Variants in MID1 observed in about 807,000 individuals in gnomAD.
MID1 encodes E3 ubiquitin-protein ligase Midline-1.
A neutral mutation model predicts 40.4 loss-of-function variants in MID1; 7 were observed. That is an observed-to-expected ratio of 0.17 (90% CI 0.10 to 0.33). MID1 has a LOEUF of 0.33. Among genes scored for constraint, MID1 ranks in the 10% least tolerant of loss-of-function variants. MID1 has a pLI of 1.00. For missense variants in MID1, 367 were observed against 558.5 expected (o/e 0.66, Z 3.46); for synonymous variants, 229 against 221.2 (o/e 1.04, Z -0.31).
rs185385977 is a variant in MID1 at position 10,761,570 on chromosome X, C to A, written c.-187+71984G>T. Among the ~76,000 whole-genome samples, 37 of 111,986 alleles carry A rather than the reference C, an allele frequency of 3.3e-4. No homozygotes were observed. The Admixed American group carries it at 3.3e-3, about 10-fold the overall frequency. On this transcript the variant is annotated intron_variant, in intron 1 of 10. Coordinates refer to the MID1 transcript ENST00000380785. ...GAAGTGACAGTGTACCTATCCTAAA[C>A]CAAGGCTTCAAGAGGTCTTATGTGT...
chrX:10,720,408 C>CA (rs1353442638), intron 1 of MID1, among the ~76,000 whole-genome samples: 17 of 112,032 alleles, frequency 1.5e-4, no homozygotes, highest in Non-Finnish European at 2.3e-4. Flanking sequence ...AGACACTTCT[C>CA]AAAGAAGACA....
At chrX:10,495,015 C>G (rs1233478916) in intron 4 of MID1, among the ~76,000 whole-genome samples, 1 of 110,518 alleles carries the variant, frequency 9.0e-6, no homozygotes, top group African/African-American at 3.3e-5. Flanking sequence ...TGCTGTAAAA[C>G]AATAGGAAAT....
At chrX:10,725,277 G>A (rs2043381911) in intron 1 of MID1, among the ~76,000 whole-genome samples, 1 of 111,499 alleles carries the variant, frequency 9.0e-6, no homozygotes, top group Non-Finnish European at 1.9e-5. Flanking sequence ...TGTACCGCTA[G>A]GTGAAGATTG....
At chrX:10,704,490 T>A (rs907318418) in intron 1 of MID1, among the ~76,000 whole-genome samples, 2 of 108,501 alleles carry the variant, frequency 1.8e-5, no homozygotes, top group African/African-American at 6.7e-5. Context: ...TCCCAGCCTT[T>A]ATGGGCCCCC....
rs145460297 is a variant in MID1, at chrX:10,549,200, G to A, written c.660+17688C>T. Among the ~76,000 whole-genome samples the A allele has an allele frequency of 6.0e-3, 679 of 112,649 alleles. 4 individuals are homozygous for A. The highest frequency in any genetic ancestry group is 0.021 in the African/African-American group (641 of 31,060). ...AGACACAGATAATGAAAATTTCTGCGCTCTAGACTATGAGTACCTATGCTA... is the reference window on the plus strand; with the variant it reads ...AGACACAGATAATGAAAATTTCTGCACTCTAGACTATGAGTACCTATGCTA... On this transcript the variant is annotated intron_variant, in intron 2 of 9. Coordinates refer to ENST00000317552, the MANE Select transcript of MID1 (RefSeq NM_000381.4).
chrX:10,755,142 T>C (rs976272805), intron 1 of MID1, among the ~76,000 whole-genome samples: 5 of 111,924 alleles, frequency 4.5e-5, no homozygotes, highest in South Asian at 7.5e-4. Context: ...TGTTTGTAGA[T>C]TGATGATTTA....
At chrX:10,723,583 G>A (rs1482391876) in intron 1 of MID1, among the ~76,000 whole-genome samples, 1 of 112,948 alleles carries the variant, frequency 8.9e-6, no homozygotes, top group Non-Finnish European at 1.9e-5. Flanking sequence ...ACGGAGTCTC[G>A]CTCTGCCGCC....
At position 10,572,217 on chromosome X, in the gene MID1, CACAT is replaced by C. The variant is rs199542368; in HGVS notation, c.-56-4618_-56-4615del. On this transcript the variant is annotated intron_variant, in intron 1 of 9. Coordinates refer to ENST00000317552, the MANE Select transcript of MID1 (RefSeq NM_000381.4). ...ACACACACACACACACACACACACACACATATATATATAGCTTACATTGTTATTT... is the reference window on the plus strand; with the variant it reads ...ACACACACACACACACACACACACACATATATATAGCTTACATTGTTATTT... Among the ~76,000 whole-genome samples, 234 of 101,935 alleles carry C rather than the reference CACAT, an allele frequency of 2.3e-3. 1 individual carries two copies. The highest frequency in any genetic ancestry group is 8.9e-3 in the African/African-American group (230 of 25,835). 88.5% of individuals were successfully genotyped at this position (101,935 alleles called of 115,157 possible).
chrX:10,579,941 G>T (rs984595728), intron 1 of MID1, among the ~76,000 whole-genome samples: 3 of 110,080 alleles, frequency 2.7e-5, no homozygotes, highest in East Asian at 5.7e-4. Flanking sequence ...AGGATATTAA[G>T]AACAGCGTCG....
intron 1 of MID1, among the ~76,000 whole-genome samples, chrX:10,810,644 A>G (rs1346495503): frequency 9.1e-6 from 1 of 109,720 alleles, no homozygotes; most frequent in Non-Finnish European, 1.9e-5. Flanking sequence ...TCCCACCATC[A>G]ATGCATAGAG....
At chrX:10,555,616 A>G (rs1934087992) in intron 2 of MID1, among the ~76,000 whole-genome samples, 2 of 110,842 alleles carry the variant, frequency 1.8e-5, no homozygotes, top group African/African-American at 6.6e-5. Context: ...GTAAACAAAT[A>G]AGGTTTTTTC....
At chrX:10,452,930 A>G (rs1265524979) in intron 9 of MID1, among the ~76,000 whole-genome samples, 2 of 112,088 alleles carry the variant, frequency 1.8e-5, no homozygotes, top group Admixed American at 9.4e-5. Flanking sequence ...TAATAGAGTA[A>G]TAATCATTTA....
At chrX:10,465,993 C>T (rs1297975682) in intron 7 of MID1, among the ~76,000 whole-genome samples, 1 of 112,397 alleles carries the variant, frequency 8.9e-6, no homozygotes, top group Non-Finnish European at 1.9e-5. Flanking sequence ...GCATTTCTCA[C>T]ATGGGCCAAG....
In MID1 at chrX:10,728,085, G is replaced by C. The variant is rs766784739; in HGVS notation, c.-187+105469C>G. Reference sequence around the variant, plus strand: ...CATGGTAACTGGTTTCTGTGTAAGTGAAGTGTTTCTGTGTAAGTGAAGTGT... The same window carrying C: ...CATGGTAACTGGTTTCTGTGTAAGTCAAGTGTTTCTGTGTAAGTGAAGTGT... On this transcript the variant is annotated intron_variant, in intron 1 of 10. Transcript: ENST00000380785. Among the ~76,000 whole-genome samples, 126 of 112,123 alleles carry C rather than the reference G, an allele frequency of 1.1e-3. 1 individual carries two copies. The highest frequency in any genetic ancestry group is 1.9e-3 in the Non-Finnish European group (99 of 53,242).
At chrX:10,546,515 C>CT (rs971504905) in intron 2 of MID1, among the ~76,000 whole-genome samples, 14 of 110,219 alleles carry the variant, frequency 1.3e-4, no homozygotes, top group South Asian at 3.9e-4. Context: ...TTTTATAGCA[C>CT]TTTTTTTTTA....
chrX:10,690,828 G>A (rs1569147769), intron 1 of MID1, among the ~76,000 whole-genome samples: 4 of 111,533 alleles, frequency 3.6e-5, no homozygotes, highest in Non-Finnish European at 1.9e-5. Context: ...CATATACAGA[G>A]TTGTTCTTGG....
intron 8 of MID1, among the ~76,000 whole-genome samples, chrX:10,456,523 A>AACCT (rs1462766649): frequency 1.8e-5 from 2 of 112,593 alleles, no homozygotes; most frequent in African/African-American, 6.5e-5. Context: ...TTGTTTTAGA[A>AACCT]ATCTATTTCT....
At chrX:10,469,420 C>A in intron 7 of MID1, 1 of 1,071,222 alleles carries the variant, frequency 9.3e-7, no homozygotes, top group Non-Finnish European at 1.2e-6. Context: ...ATGTATCTCT[C>A]TATATATTTG....
intron 1 of MID1, among the ~76,000 whole-genome samples, chrX:10,793,482 C>T (rs1358092592): frequency 8.9e-6 from 1 of 112,062 alleles, no homozygotes; most frequent in African/African-American, 3.2e-5. Context: ...CAAATGAGGC[C>T]CTGCAAGCAA....
Sources: gnomAD v4.1 joint callset for allele counts (sites outside exome capture counted in the v4.1 genomes callset) on GRCh38, gnomAD v4.1.1 for gene constraint, MANE v1.5 for transcripts, NCBI Gene and HGNC (gene_info 2026-07-23, HGNC 2026-07-21) for gene names.